DENND4A: variants seen among roughly 807,000 people sequenced by gnomAD.
The protein encoded by DENND4A is C-myc promoter-binding protein.
A neutral mutation model predicts 199.3 loss-of-function variants in DENND4A; 70 were observed. That is an observed-to-expected ratio of 0.35 (90% CI 0.29 to 0.43). The LOEUF (loss-of-function observed/expected upper bound fraction) is 0.43. Ranked by LOEUF, DENND4A falls within the 20% of genes least tolerant of loss-of-function variation. The pLI is 1.00. For missense variants in DENND4A, 1,723 were observed against 2,255.8 expected, an observed-to-expected ratio of 0.76 and a Z score of 4.78; for synonymous variants, 686 against 766.9, an observed-to-expected ratio of 0.89 and a Z score of 1.74.
chr15:65,720,967 A>C (rs200965242), intron 12 of DENND4A, among the ~76,000 whole-genome samples: 1 of 81,094 alleles, frequency 1.2e-5, no homozygotes, highest in East Asian at 1.2e-3. Flanking sequence ...ATATATATAT[A>C]TATATATATA....
At chr15:65,790,264 A>G (rs918902436) in intron 1 of DENND4A, among the ~76,000 whole-genome samples, 8 of 152,228 alleles carry the variant, frequency 5.3e-5, no homozygotes, top group Admixed American at 1.3e-4. Flanking sequence ...AGAACAAATC[A>G]GCATCAACTT....
intron 13 of DENND4A, 25 bp from the exon 14 acceptor site, chr15:65,715,648 C>T (rs1361308784): frequency 6.6e-7 from 1 of 1,518,636 alleles, no homozygotes; most frequent in Non-Finnish European, 8.8e-7. Flanking sequence ...TATATAATGT[C>T]AGAATACATA....
chr15:65,715,397 T>C, intron 14 of DENND4A, 81 bp downstream of exon 14: 1 of 1,300,082 alleles, frequency 7.7e-7, no homozygotes, highest in Non-Finnish European at 1.0e-6. Flanking sequence ...CATTAAAAGC[T>C]GTACATAGAA....
At chr15:65,771,781 C>T (rs1465975756) in intron 1 of DENND4A, 2 of 1,613,552 alleles carry the variant, frequency 1.2e-6, no homozygotes, top group African/African-American at 2.7e-5. Flanking sequence ...TTGGTGGTTA[C>T]ATGCTTGTTC....
Position 65,691,138 on chromosome 15 carries a change from A to C in DENND4A, c.3456T>G (p.Ser1152=), listed in dbSNP as rs758662463. ...AATCCACTTTATCTGCCAAATAGTT[A>C]GAACCATCAAAAGGTGTATCATCAT... ...SSDDDTPFDG[S]NYLADKVDSP... Residue 1152 remains serine, a synonymous_variant, in exon 23 of 33, where the codon TCT becomes TCG. Coordinates refer to ENST00000443035, the MANE Select transcript of DENND4A (RefSeq NM_001320835.1). 2.5e-6 allele frequency: 4 copies of C among 1,613,462 alleles called. No homozygotes were observed. Among genetic ancestry groups the C allele is most frequent in the Non-Finnish European group, 3.4e-6 (4 of 1,179,752 alleles).
At chr15:65,739,207 T>G (rs144031906) in intron 5 of DENND4A, among the ~76,000 whole-genome samples, 343 of 152,338 alleles carry the variant, frequency 2.3e-3, no homozygotes, top group African/African-American at 8.0e-3. Context: ...ATACTAAGTT[T>G]TTGAAATTTT....
chr15:65,703,941 A>G (rs1048119145), intron 15 of DENND4A, among the ~76,000 whole-genome samples: 3 of 152,238 alleles, frequency 2.0e-5, no homozygotes, highest in African/African-American at 7.2e-5. Flanking sequence ...GTTTAAGAAT[A>G]CTATGTAATA....
At chr15:65,782,646 C>T (rs1403860536) in intron 1 of DENND4A, among the ~76,000 whole-genome samples, 1 of 151,482 alleles carries the variant, frequency 6.6e-6, no homozygotes, top group Non-Finnish European at 1.5e-5. Flanking sequence ...ATACACATAC[C>T]CTGAAAACAA....
intron 1 of DENND4A, among the ~76,000 whole-genome samples, chr15:65,776,556 T>TAA (rs1344033269): frequency 6.6e-6 from 1 of 152,198 alleles, no homozygotes; most frequent in East Asian, 1.9e-4. Flanking sequence ...AGAAAGTCTA[T>TAA]TTACCTACAC....
chr15:65,698,089 T>C (rs1451141885), intron 20 of DENND4A, among the ~76,000 whole-genome samples: 1 of 151,800 alleles, frequency 6.6e-6, no homozygotes, highest in East Asian at 1.9e-4. Context: ...TCATCTCTAC[T>C]AAAAATAAAA....
intron 23 of DENND4A, among the ~76,000 whole-genome samples, chr15:65,677,644 T>C (rs1165954945): frequency 1.3e-5 from 2 of 152,200 alleles, no homozygotes; most frequent in Non-Finnish European, 1.5e-5. Context: ...ATCTAATCCA[T>C]CTAGGATTAT....
In DENND4A at chr15:65,732,814, T is replaced by C; in HGVS notation, c.1045A>G (p.Ile349Val). The C allele has an allele frequency of 6.3e-7, 1 of 1,588,150 alleles. No homozygotes were observed. The highest frequency in any genetic ancestry group is 8.6e-7 in the Non-Finnish European group (1 of 1,158,518). The change falls in exon 8 of 33, where the codon ATT becomes GTT. Residue 349 changes from isoleucine (I) to valine (V), a missense_variant. By Grantham distance (29) the Ile-to-Val change is conservative (BLOSUM62 3). Transcript: ENST00000443035. ...GGAACTTTATGCATAAAATGAGAAA[T>C]ATGCCTTGAAAACAAACAAAAGTGT... ...GPHVLPIEKH[I>V]SHFMHKVPFP...
At chr15:65,772,026 G>C (rs1279757612) in intron 1 of DENND4A, 16 of 1,392,120 alleles carry the variant, frequency 1.1e-5, no homozygotes, top group Non-Finnish European at 1.5e-5. Context: ...CAAGGGCAGT[G>C]GGTAGAGCTT....
intron 4 of DENND4A, among the ~76,000 whole-genome samples, chr15:65,750,604 T>C (rs2076534967): frequency 6.6e-6 from 1 of 152,194 alleles, no homozygotes; most frequent in African/African-American, 2.4e-5. Flanking sequence ...ACAAGTCAAA[T>C]TGCTCATTGT....
chr15:65,771,611 C>T (rs2077128560), intron 1 of DENND4A: 1 of 1,612,428 alleles, frequency 6.2e-7, no homozygotes, highest in African/African-American at 1.3e-5. Context: ...TTCATGTCCA[C>T]TATGTCAATG....
intron 1 of DENND4A, among the ~76,000 whole-genome samples, chr15:65,767,910 T>C (rs1041199459): frequency 1.6e-4 from 24 of 152,132 alleles, no homozygotes; most frequent in African/African-American, 4.8e-4. Flanking sequence ...GAGAATAAAA[T>C]AAAGCAGGGC....
At chr15:65,764,655 T>A (rs1266701201) in intron 1 of DENND4A, among the ~76,000 whole-genome samples, 1 of 151,126 alleles carries the variant, frequency 6.6e-6, no homozygotes, top group Non-Finnish European at 1.5e-5. Context: ...ATTAATTAAA[T>A]TTAATTTTTA....
In DENND4A at chr15:65,717,951, T is replaced by G. The variant is rs2075459933; in HGVS notation, c.1634A>C (p.Asn545Thr). ...RDDGLMDLAI[N>T]DYDFNSGKRL... ...CTTTCCAGAATTAAAATCATAGTCATTTATTGCTAAATCCATGAGTCCATC... is the reference window on the plus strand; with the variant it reads ...CTTTCCAGAATTAAAATCATAGTCAGTTATTGCTAAATCCATGAGTCCATC... Residue 545 changes from asparagine to threonine, a missense_variant, in exon 13 of 33, where the codon AAT (asparagine) becomes ACT (threonine). Physicochemically the swap from Asn to Thr is moderately conservative, Grantham distance 65. Around this residue, in one of 6 missense-constraint regions of DENND4A, gnomAD observed 725 missense variants for 952.9 expected, o/e 0.76. Coordinates refer to ENST00000443035, the MANE Select transcript of DENND4A (RefSeq NM_001320835.1). The G allele has an allele frequency of 7.5e-6, 12 of 1,608,710 alleles. No individual in the cohort carries two copies. Among genetic ancestry groups the G allele is most frequent in the Non-Finnish European group, 8.5e-6 (10 of 1,177,192 alleles).
chr15:65,756,658 T>C (rs1056173921), intron 2 of DENND4A, among the ~76,000 whole-genome samples, 186 bp from the exon 3 acceptor site: 1 of 152,206 alleles, frequency 6.6e-6, no homozygotes, highest in Non-Finnish European at 1.5e-5. Context: ...CAATCTTTTA[T>C]TATAAAAGTA....
Sources: gnomAD v4.1 joint callset for allele counts (sites outside exome capture counted in the v4.1 genomes callset) on GRCh38, gnomAD v4.1.1 for gene constraint, gnomAD v4.1.1 regional missense constraint, MANE v1.5 for transcripts, NCBI Gene and HGNC (gene_info 2026-07-23, HGNC 2026-07-21) for gene names.